Variants in PRUNE2 observed in about 807,000 individuals in gnomAD.
PRUNE2 encodes prune homolog 2 with BCH domain.
Under a neutral mutation model 252.0 loss-of-function variants are expected in PRUNE2, and 164 were observed. The observed-to-expected ratio is 0.65, with a 90% confidence interval of 0.57 to 0.74. The LOEUF (loss-of-function observed/expected upper bound fraction) is 0.74, where lower values mean the gene tolerates loss of function less well. Among genes scored for constraint, PRUNE2 ranks in the 30% least tolerant of loss-of-function variants. PRUNE2 has a pLI of 0.00. For missense variants in PRUNE2, 3,495 were observed against 3,711.0 expected, an observed-to-expected ratio of 0.94 and a Z score of 1.51; for synonymous variants, 1,292 against 1,350.2, an observed-to-expected ratio of 0.96 and a Z score of 0.94.
chr9:76,717,680 C>T (rs1380597973), intron 6 of PRUNE2, among the ~76,000 whole-genome samples: 1 of 152,018 alleles, frequency 6.6e-6, no homozygotes. Context: ...CTTACCACCC[C>T]CCCCACCAGC....
intron 9 of PRUNE2, among the ~76,000 whole-genome samples, chr9:76,697,438 A>G (rs1390237775): frequency 6.6e-6 from 1 of 152,154 alleles, no homozygotes; most frequent in African/African-American, 2.4e-5. Context: ...TTGGTCCCAC[A>G]CACCACAGAT....
intron 9 of PRUNE2, chr9:76,687,619 G>A (rs1176725402): frequency 4.8e-6 from 2 of 419,812 alleles, no homozygotes; most frequent in African/African-American, 4.1e-5. Flanking sequence ...GCTTCTTTCT[G>A]ATACTCACTG....
chr9:76,892,843 T>C (rs1398069316), intron 1 of PRUNE2, among the ~76,000 whole-genome samples: 1 of 152,244 alleles, frequency 6.6e-6, no homozygotes, highest in African/African-American at 2.4e-5. Flanking sequence ...TGCTTGTTTA[T>C]TATTTTACAA....
intron 9 of PRUNE2, among the ~76,000 whole-genome samples, chr9:76,656,496 C>T (rs1849300811): frequency 6.6e-6 from 1 of 152,134 alleles, no homozygotes; most frequent in African/African-American, 2.4e-5. Context: ...CTGGATCTAC[C>T]AAACCTTTGG....
chr9:76,723,810 C>CTTTT (rs66816205), intron 6 of PRUNE2, among the ~76,000 whole-genome samples: 3 of 138,658 alleles, frequency 2.2e-5, no homozygotes, highest in African/African-American at 8.0e-5. Context: ...GCATATCTTT[C>CTTTT]TTTTTTTTTT....
intron 6 of PRUNE2, among the ~76,000 whole-genome samples, chr9:76,756,154 A>G (rs1446337697): frequency 6.6e-6 from 1 of 152,252 alleles, no homozygotes; most frequent in Non-Finnish European, 1.5e-5. Flanking sequence ...TCACAGAGCC[A>G]TTTTGATGAA....
At chr9:76,868,050 T>C (rs1038227737) in intron 1 of PRUNE2, among the ~76,000 whole-genome samples, 1 of 152,152 alleles carries the variant, frequency 6.6e-6, no homozygotes, top group African/African-American at 2.4e-5. Context: ...CTTCCTGCTT[T>C]TCATGTCATT....
rs988665100 is a variant in PRUNE2 at position 76,823,534 on chromosome 9, C to A, written c.756+98G>T. 9.5e-5 allele frequency: 68 copies of A among 718,496 alleles called. 1 individual carries two copies. The highest frequency in any genetic ancestry group is 1.6e-4 in the South Asian group (9 of 56,494). The allele number at this position is 718,496 out of a possible 1,614,324, so 44.5% of individuals were successfully genotyped here. On this transcript the variant is annotated intron_variant, in intron 6 of 18. Coordinates refer to ENST00000376718, the MANE Select transcript of PRUNE2 (RefSeq NM_015225.3). The stretch of plus-strand genomic sequence containing the variant: ...AAATGTATCACAAAGAAGCAAAGGA[C>A]TATCATGGACTTATCCAATGGAGAG...
intron 11 of PRUNE2, among the ~76,000 whole-genome samples, chr9:76,648,387 T>C (rs980850193): frequency 1.3e-5 from 2 of 152,214 alleles, no homozygotes; most frequent in Non-Finnish European, 2.9e-5. Flanking sequence ...AGCAGCTTCA[T>C]TCATAATTGC....
Position 76,776,887 on chromosome 9 carries a change from AACACATAC to A in PRUNE2, c.756+46737_756+46744del, listed in dbSNP as rs1440038936. ...TCTTGAGTTTCTTTCTCATTACCAAAACACATACACACACACACACACACACACACACA... is the reference window on the plus strand; with the variant it reads ...TCTTGAGTTTCTTTCTCATTACCAAAACACACACACACACACACACACACA... On this transcript the variant is annotated intron_variant, in intron 6 of 18. Transcript: ENST00000376718. 3.2e-3 allele frequency among the ~76,000 whole-genome samples: 312 copies of A among 96,554 alleles called. 1 individual carries two copies. Among genetic ancestry groups the A allele is most frequent in the African/African-American group, 9.4e-3 (265 of 28,256 alleles). 63.3% of individuals were successfully genotyped at this position (96,554 alleles called of 152,430 possible). A position where few individuals can be genotyped will look rare whatever the true frequency, so the allele number is the denominator to read the frequency against.
At chr9:76,861,709 T>G (rs1431069196) in intron 1 of PRUNE2, among the ~76,000 whole-genome samples, 1 of 152,214 alleles carries the variant, frequency 6.6e-6, no homozygotes, top group African/African-American at 2.4e-5. Context: ...AAATATCATT[T>G]ATATACTTCT....
chr9:76,845,562 C>T (rs1264430125), intron 4 of PRUNE2, among the ~76,000 whole-genome samples: 1 of 152,176 alleles, frequency 6.6e-6, no homozygotes, highest in African/African-American at 2.4e-5. Flanking sequence ...CAGTTCTAAA[C>T]CTTTACAAGA....
chr9:76,900,011 T>C (rs1469409503), intron 1 of PRUNE2, among the ~76,000 whole-genome samples: 1 of 152,162 alleles, frequency 6.6e-6, no homozygotes, highest in Non-Finnish European at 1.5e-5. Flanking sequence ...ATGATCTCCC[T>C]GGAAGCAGGG....
Position 76,705,612 on chromosome 9 carries a change from A to G in PRUNE2, c.6662T>C (p.Val2221Ala), listed in dbSNP as rs756305533. The G allele has an allele frequency of 1.7e-5, 28 of 1,613,904 alleles. No homozygotes were observed. Among genetic ancestry groups the G allele is most frequent in the Non-Finnish European group, 2.2e-5 (26 of 1,179,882 alleles). Residue 2221 changes from valine to alanine, a missense_variant, in exon 8 of 19, where the codon GTT becomes GCT. By Grantham distance (64) the Val-to-Ala change is moderately conservative (BLOSUM62 0). Coordinates refer to ENST00000376718, the MANE Select transcript of PRUNE2 (RefSeq NM_015225.3). ...SPDMAPILEPVDRRIPRIENV... is the reference protein window; with the variant it reads ...SPDMAPILEPADRRIPRIENV... ...TTCAATCCTTGGGATTCTTCTGTCA[A>G]CTGGTTCCAAAATTGGTGCCATATC...
intron 6 of PRUNE2, among the ~76,000 whole-genome samples, chr9:76,756,642 G>A (rs910259103): frequency 6.6e-6 from 1 of 152,240 alleles, no homozygotes; most frequent in Non-Finnish European, 1.5e-5. Flanking sequence ...GGCCTCCCAG[G>A]AGGATTCCCT....
At chr9:76,717,484 C>G (rs1206738768) in intron 6 of PRUNE2, among the ~76,000 whole-genome samples, 2 of 152,022 alleles carry the variant, frequency 1.3e-5, no homozygotes, top group Non-Finnish European at 1.5e-5. Context: ...GCATTTTATT[C>G]CCCCCATCTG....
chr9:76,707,501 G>A lies in PRUNE2; in HGVS notation c.4773C>T (p.Gly1591=). Residue 1591 remains glycine (G), a synonymous_variant, in exon 8 of 19, where the codon GGC becomes GGT. Transcript: ENST00000376718. ...TCACTTTGGTAACTATTTCTACTTG[G>A]CCATCAGTGGTAATTAGTTCAGATT... ...HQESELITTD[G]QVEIVTKVKD... 6.2e-7 allele frequency: 1 copy of A among 1,613,664 alleles called. No homozygotes were observed. Among genetic ancestry groups the A allele is most frequent in the South Asian group, 1.1e-5 (1 of 91,042 alleles).
At chr9:76,899,861 G>A (rs867295375) in intron 1 of PRUNE2, among the ~76,000 whole-genome samples, 1 of 152,204 alleles carries the variant, frequency 6.6e-6, no homozygotes, top group African/African-American at 2.4e-5. Context: ...TTAAGCCAAG[G>A]AGAGCTGGAG....
chr9:76,805,000 C>T (rs113157561), intron 6 of PRUNE2, among the ~76,000 whole-genome samples: 5 of 152,184 alleles, frequency 3.3e-5, no homozygotes, highest in African/African-American at 1.2e-4. Context: ...TCTCCTTCCT[C>T]ACTCTTTGAC....
Sources: allele counts gnomAD v4.1 joint callset (sites outside exome capture counted in the v4.1 genomes callset), GRCh38; gene constraint gnomAD v4.1.1; transcripts MANE v1.5; gene names NCBI Gene and HGNC (gene_info 2026-07-23, HGNC 2026-07-21).